Variants in TMEM184B observed in about 807,000 individuals in gnomAD.
TMEM184B encodes the protein putative MAPK-activating protein FM08.
In TMEM184B, 17 loss-of-function variants were observed where a neutral mutation model predicts 41.8. The ratio of observed to expected loss-of-function variants is 0.41; its 90% CI spans 0.28 to 0.61. The LOEUF (loss-of-function observed/expected upper bound fraction) is 0.61. Among genes scored for constraint, TMEM184B ranks in the 20% least tolerant of loss-of-function variants. The probability of loss-of-function intolerance (pLI) is 0.34; values close to 1 mark genes in which losing one functional copy is unlikely to be tolerated. For missense variants in TMEM184B, 393 were observed against 557.8 expected, an observed-to-expected ratio of 0.70 and a Z score of 2.98; for synonymous variants, 240 against 229.5, an observed-to-expected ratio of 1.05 and a Z score of -0.41.
chr22:38,239,753 T>G lies in TMEM184B; in HGVS notation c.358+6182A>C, dbSNP rs1479751610. Among the ~76,000 whole-genome samples, 2 of 152,134 alleles carry G rather than the reference T, an allele frequency of 1.3e-5. No homozygotes were observed. The highest frequency in any genetic ancestry group is 2.9e-5 in the Non-Finnish European group (2 of 68,018). ...TGAATACGAAGGGCGAGAGGTCCTC[T>G]CAGATCTCTGCCACGCTGTACCAGT... On this transcript the variant is annotated intron_variant, in intron 3 of 8. Transcript: ENST00000361906. The surrounding 1 kb of genome is among the most constrained non-coding windows in gnomAD (Gnocchi z 4.6).
At chr22:38,257,140 A>G (rs1369605879) in intron 1 of TMEM184B, among the ~76,000 whole-genome samples, 1 of 151,648 alleles carries the variant, frequency 6.6e-6, no homozygotes, top group Non-Finnish European at 1.5e-5. Context: ...CACCAAAACA[A>G]TATGTCTGTC....
At position 38,221,696 on chromosome 22, in the gene TMEM184B, T is replaced by C; in HGVS notation, c.997A>G (p.Met333Val). Residue 333 changes from methionine to valine, a missense_variant, in exon 9 of 9, where the codon ATG becomes GTG. Transcript: ENST00000361906. Reference protein sequence around the residue: ...RLDAQGRCAPMKSISSSLKET... With the variant: ...RLDAQGRCAPVKSISSSLKET... Reference sequence around the variant, plus strand: ...TTGAGGCTGCTGGAGATGCTCTTCATGGGGGCACAGCGGCCTGCCGGGCAG... The same window carrying C: ...TTGAGGCTGCTGGAGATGCTCTTCACGGGGGCACAGCGGCCTGCCGGGCAG... The C allele has an allele frequency of 6.2e-7, 1 of 1,613,764 alleles. No homozygotes were observed. The highest frequency in any genetic ancestry group is 8.5e-7 in the Non-Finnish European group (1 of 1,179,896).
chr22:38,221,195 G>C lies in TMEM184B; in HGVS notation c.*274C>G. ...CTGGTCCCAGCATGCCCCCAGCACA[G>C]GACGGGCAGCAGGGGCATAAGCCTT... On this transcript the variant is annotated 3_prime_UTR_variant, in exon 9 of 9. Transcript: ENST00000361906. 7.6e-7 allele frequency: 1 copy of C among 1,309,222 alleles called. No homozygotes were observed. Among genetic ancestry groups the C allele is most frequent in the African/African-American group, 1.5e-5 (1 of 66,574 alleles). 81.1% of individuals were successfully genotyped at this position (1,309,222 alleles called of 1,614,324 possible). A position where few individuals can be genotyped will look rare whatever the true frequency, so the allele number is the denominator to read the frequency against.
rs1251234534 is a variant in TMEM184B, at chr22:38,272,970, G to A, written c.-145C>T. ...CGGGGCGGGCGGCGCCGCAGCCCCG[G>A]AGTCTCCGCCGCCGCCGGCGCGTCC... On this transcript the variant is annotated 5_prime_UTR_variant, in exon 1 of 9. Transcript: ENST00000361906. 7.2e-6 allele frequency: 2 copies of A among 276,564 alleles called. No homozygotes were observed. The highest frequency in any genetic ancestry group is 5.5e-6 in the Non-Finnish European group (1 of 182,812). The allele number at this position is 276,564 out of a possible 1,614,324, so 17.1% of individuals were successfully genotyped here. A position where few individuals can be genotyped will look rare whatever the true frequency, so the allele number is the denominator to read the frequency against.
chr22:38,242,595 C>A (rs1342451331), intron 3 of TMEM184B, among the ~76,000 whole-genome samples: 1 of 152,242 alleles, frequency 6.6e-6, no homozygotes, highest in East Asian at 1.9e-4. Flanking sequence ...CCCTCCTGGG[C>A]CCTCCTGGCC....
intron 3 of TMEM184B, among the ~76,000 whole-genome samples, chr22:38,241,627 G>A (rs2091909276): frequency 6.6e-6 from 1 of 151,794 alleles, no homozygotes; most frequent in Admixed American, 6.6e-5. Context: ...GCTCATGCCT[G>A]TAATACCAGC....
chr22:38,257,300 A>G (rs532146081), intron 1 of TMEM184B, among the ~76,000 whole-genome samples: 2 of 152,290 alleles, frequency 1.3e-5, no homozygotes, highest in Non-Finnish European at 2.9e-5. Context: ...AATACCTTCC[A>G]TTTCGTTTAC....
At chr22:38,255,332 G>A (rs542798736) in intron 1 of TMEM184B, among the ~76,000 whole-genome samples, 137 of 148,278 alleles carry the variant, frequency 9.2e-4, no homozygotes, top group South Asian at 7.9e-3. Flanking sequence ...CCTCATGGCC[G>A]GCTAATTTTT....
intron 3 of TMEM184B, among the ~76,000 whole-genome samples, chr22:38,238,135 T>C (rs554788080): frequency 6.6e-6 from 1 of 152,016 alleles, no homozygotes; most frequent in African/African-American, 2.4e-5. Context: ...TGATCATGCT[T>C]ATTCCTGCTT....
At chr22:38,251,896 G>GTTT (rs561046707) in intron 1 of TMEM184B, among the ~76,000 whole-genome samples, 5,759 of 141,650 alleles carry the variant, frequency 0.041, 346 homozygotes, top group African/African-American at 0.13. Context: ...AGATGATGCT[G>GTTT]TTTTTTTTTT....
chr22:38,272,346 G>A (rs981044185), intron 1 of TMEM184B, among the ~76,000 whole-genome samples: 4 of 152,130 alleles, frequency 2.6e-5, no homozygotes, highest in African/African-American at 7.2e-5. Flanking sequence ...CATCTTTCGA[G>A]CCCCAGGTCC....
chr22:38,244,476 GAC>G (rs2091980949), intron 3 of TMEM184B, among the ~76,000 whole-genome samples: 3 of 149,800 alleles, frequency 2.0e-5, no homozygotes, highest in South Asian at 4.2e-4. Flanking sequence ...TTTTTTTTGA[GAC>G]AGAGTTTCGC....
At chr22:38,217,734 CAAG>C (rs573942945), downstream of TMEM184B, among the ~76,000 whole-genome samples, 150 of 141,422 alleles carry the variant, frequency 1.1e-3, no homozygotes, top group Middle Eastern at 4.2e-3. Context: ...GAGGTTGAGA[CAAG>C]AGAGAATCGC....
rs756255180 is a variant in TMEM184B, at chr22:38,263,443, C to T, written c.-59+9441G>A. ...CACCGCCCAGACCTGCTTCTTCCCT[C>T]GGCAATCCACCTTGCTGCTCAATCC... On this transcript the variant is annotated intron_variant, in intron 1 of 8. Coordinates refer to ENST00000361906, the MANE Select transcript of TMEM184B (RefSeq NM_012264.5). Among the ~76,000 whole-genome samples the T allele has an allele frequency of 4.6e-5, 7 of 152,136 alleles. No individual in the cohort carries two copies. In the South Asian group the frequency reaches 6.2e-4, roughly 14 times the overall value.
intron 3 of TMEM184B, among the ~76,000 whole-genome samples, chr22:38,233,204 G>T (rs192949070): frequency 3.3e-5 from 5 of 152,178 alleles, no homozygotes; most frequent in Non-Finnish European, 5.9e-5. Context: ...TCCATTAAGG[G>T]CTCCCATCTC....
At chr22:38,246,979 C>T in intron 2 of TMEM184B, 1 of 780,366 alleles carries the variant, frequency 1.3e-6, no homozygotes, top group South Asian at 1.7e-5. Flanking sequence ...CACAGGGCAG[C>T]TGGCAAGGGG....
chr22:38,217,354 A>G (rs2091161165), downstream of TMEM184B, among the ~76,000 whole-genome samples: 1 of 74,162 alleles, frequency 1.3e-5, no homozygotes, highest in Non-Finnish European at 2.4e-5. Context: ...CAAAAAAAAA[A>G]CATGGCCCGG....
chr22:38,226,762 G>T lies in TMEM184B; in HGVS notation c.617+17C>A. On this transcript the variant is annotated intron_variant, in intron 6 of 8. Transcript: ENST00000361906. This position sits in a 1 kb window ranked among gnomAD's most constrained non-coding sequence, Gnocchi z 4.6. ...CAACACTCCTCCCACACACCCCGGGGAGCACCCGCTGCTTACTCAAAGTCC... is the reference window on the plus strand; with the variant it reads ...CAACACTCCTCCCACACACCCCGGGTAGCACCCGCTGCTTACTCAAAGTCC... The T allele has an allele frequency of 1.3e-6, 2 of 1,582,360 alleles. No homozygotes were observed. The highest frequency in any genetic ancestry group is 1.2e-5 in the South Asian group (1 of 86,712).
intron 1 of TMEM184B, 33 bp from the exon 2 acceptor site, chr22:38,248,052 C>T: frequency 1.4e-6 from 2 of 1,472,606 alleles, no homozygotes; most frequent in South Asian, 2.7e-5. Context: ...TGAGTCTCCT[C>T]CCAGGGCAAG....
Sources: gnomAD v4.1 joint callset for allele counts (sites outside exome capture counted in the v4.1 genomes callset) on GRCh38, gnomAD v4.1.1 for gene constraint, Gnocchi (gnomAD v3.1) non-coding constraint, MANE v1.5 for transcripts, NCBI Gene and HGNC (gene_info 2026-07-23, HGNC 2026-07-21) for gene names.